Variants in GMPR observed in about 807,000 individuals in gnomAD.
The protein encoded by GMPR is guanosine monophosphate reductase.
GMPR carries 31 observed loss-of-function variants against 38.4 expected under a neutral mutation model. The ratio of observed to expected loss-of-function variants is 0.81; its 90% confidence interval spans 0.61 to 1.09. The LOEUF (loss-of-function observed/expected upper bound fraction) is 1.09. Ranked by LOEUF, GMPR falls within the 50% of genes least tolerant of loss-of-function variation. The pLI is 0.00. For synonymous variants in GMPR, 162 were observed against 173.3 expected, an observed-to-expected ratio of 0.93 and a Z score of 0.51; for missense variants, 468 against 453.7, an observed-to-expected ratio of 1.03 and a Z score of -0.29.
chr6:16,272,187 A>G (rs1418964076), intron 4 of GMPR, among the ~76,000 whole-genome samples: 1 of 152,190 alleles, frequency 6.6e-6, no homozygotes, highest in African/African-American at 2.4e-5. Context: ...AGTCTGGGTG[A>G]CAGAGCAAGA....
At chr6:16,281,310 A>C (rs952983341) in intron 6 of GMPR, among the ~76,000 whole-genome samples, 4 of 152,128 alleles carry the variant, frequency 2.6e-5, no homozygotes, top group African/African-American at 9.7e-5. Flanking sequence ...GGCTCAGCAT[A>C]CGCTGGCGGG....
intron 4 of GMPR, among the ~76,000 whole-genome samples, chr6:16,266,382 C>T (rs1008790684): frequency 6.9e-5 from 8 of 116,470 alleles, no homozygotes; most frequent in African/African-American, 9.3e-5. Context: ...AAAGGTGGCA[C>T]GTCGGACGTG....
chr6:16,254,455 C>A, intron 3 of GMPR, 107 bp from the exon 4 acceptor site: 1 of 898,732 alleles, frequency 1.1e-6, no homozygotes, highest in Non-Finnish European at 1.8e-6. Context: ...TTAGGGTAGA[C>A]CGAAAAGGGT....
chr6:16,288,725 T>C (rs1032020322), intron 7 of GMPR, among the ~76,000 whole-genome samples: 1 of 152,226 alleles, frequency 6.6e-6, no homozygotes, highest in Non-Finnish European at 1.5e-5. Context: ...CTCCTCAGTC[T>C]GGTGGGGACG....
At chr6:16,249,589 CT>C (rs1410416292) in intron 2 of GMPR, among the ~76,000 whole-genome samples, 5 of 152,170 alleles carry the variant, frequency 3.3e-5, no homozygotes, top group Admixed American at 6.5e-5. Flanking sequence ...TCCTAAAGTG[CT>C]GGGATTACAG....
chr6:16,248,760 C>G (rs1201569671), intron 2 of GMPR, among the ~76,000 whole-genome samples: 1 of 152,076 alleles, frequency 6.6e-6, no homozygotes, highest in Admixed American at 6.6e-5. Flanking sequence ...CTGTCATCAG[C>G]CATTGCTACT....
At chr6:16,249,765 A>G (rs929826819) in intron 2 of GMPR, among the ~76,000 whole-genome samples, 9 of 152,268 alleles carry the variant, frequency 5.9e-5, no homozygotes, top group East Asian at 1.9e-4. Context: ...TATACTTTAT[A>G]TAATTCCCAC....
chr6:16,243,348 C>T (rs571565622), intron 1 of GMPR, among the ~76,000 whole-genome samples: 5 of 152,246 alleles, frequency 3.3e-5, no homozygotes, highest in South Asian at 2.1e-4. Context: ...TGGAACCCTG[C>T]GGCTCTCTGG....
intron 4 of GMPR, among the ~76,000 whole-genome samples, chr6:16,257,495 T>TA (rs1177235192): frequency 6.6e-6 from 1 of 152,240 alleles, no homozygotes; most frequent in East Asian, 1.9e-4. Context: ...TAATCTTTAA[T>TA]ATCATTTCCT....
At chr6:16,288,953 AAAC>A (rs1246052199) in intron 7 of GMPR, among the ~76,000 whole-genome samples, 1 of 152,182 alleles carries the variant, frequency 6.6e-6, no homozygotes, top group Non-Finnish European at 1.5e-5. Context: ...CGCCCTGACA[AAAC>A]AGACCACTCA....
chr6:16,254,749 A>T lies in GMPR; in HGVS notation c.465+14A>T. On this transcript the variant is annotated intron_variant, in intron 4 of 8. Transcript: ENST00000259727. ...CACACCATTATGGTAAGTACGGTAG[A>T]ACATTACGGTAGAACATTCTCAAGA... 6.3e-7 allele frequency: 1 copy of T among 1,592,330 alleles called. No homozygotes were observed. The highest frequency in any genetic ancestry group is 8.6e-7 in the Non-Finnish European group (1 of 1,160,400).
intron 3 of GMPR, among the ~76,000 whole-genome samples, chr6:16,254,118 A>G (rs1243121944): frequency 1.3e-5 from 2 of 152,116 alleles, no homozygotes; most frequent in Non-Finnish European, 2.9e-5. Context: ...TTTAATAGAG[A>G]CAGAGTTTCA....
chr6:16,279,526 C>A (rs1260325244), intron 6 of GMPR, among the ~76,000 whole-genome samples: 1 of 152,158 alleles, frequency 6.6e-6, no homozygotes, highest in Admixed American at 6.5e-5. Flanking sequence ...TGGCAACATG[C>A]GAGTTTTTGG....
intron 3 of GMPR, among the ~76,000 whole-genome samples, chr6:16,251,697 G>C (rs1156516836): frequency 6.6e-6 from 1 of 152,210 alleles, no homozygotes; most frequent in Non-Finnish European, 1.5e-5. Flanking sequence ...GTTTGAGAGG[G>C]AGTGTGGTTA....
intron 4 of GMPR, among the ~76,000 whole-genome samples, chr6:16,266,107 GCCATCTTTAAGAGCTGTAACA>G (rs1759206265): frequency 2.7e-5 from 2 of 75,268 alleles, no homozygotes; most frequent in Admixed American, 2.5e-4. Context: ...TGTAACACTT[GCCATCTTTAAGAGCTGTAACA>G]CTTGCCATCT....
At chr6:16,247,068 G>A in intron 2 of GMPR, 107 bp downstream of exon 2, 1 of 1,036,586 alleles carries the variant, frequency 9.6e-7, no homozygotes, top group Non-Finnish European at 1.4e-6. Flanking sequence ...AGAAATGTGA[G>A]CTGCTTTGGG....
chr6:16,278,262 C>T (rs1390354458), intron 5 of GMPR, among the ~76,000 whole-genome samples: 1 of 152,142 alleles, frequency 6.6e-6, no homozygotes, highest in African/African-American at 2.4e-5. Context: ...CTCCCTGTGC[C>T]ATTTGTTCTC....
At chr6:16,281,192 ACAGAAT>A (rs1561832844) in intron 6 of GMPR, among the ~76,000 whole-genome samples, 1 of 152,230 alleles carries the variant, frequency 6.6e-6, no homozygotes, top group Non-Finnish European at 1.5e-5. Context: ...GACGTGACCT[ACAGAAT>A]CAGAACTCTG....
chr6:16,288,584 C>A (rs957503935), intron 7 of GMPR, among the ~76,000 whole-genome samples: 1 of 152,062 alleles, frequency 6.6e-6, no homozygotes, highest in Non-Finnish European at 1.5e-5. Context: ...CTAATGAGCG[C>A]CGCCCCCTGC....
Sources: gnomAD v4.1 joint callset for allele counts (sites outside exome capture counted in the v4.1 genomes callset) on GRCh38, gnomAD v4.1.1 for gene constraint, MANE v1.5 for transcripts, NCBI Gene and HGNC (gene_info 2026-07-23, HGNC 2026-07-21) for gene names.